TBL1X: variants seen among roughly 807,000 people sequenced by gnomAD.
The protein encoded by TBL1X is F-box-like/WD repeat-containing protein TBL1X.
TBL1X carries 10 observed loss-of-function variants against 50.7 expected under a neutral mutation model. The observed-to-expected ratio is 0.20, with a 90% CI of 0.12 to 0.33. The LOEUF (loss-of-function observed/expected upper bound fraction) is 0.33. Ranked by LOEUF, TBL1X falls within the 10% of genes least tolerant of loss-of-function variation. The probability of loss-of-function intolerance (pLI) is 1.00; values close to 1 mark genes in which losing one functional copy is unlikely to be tolerated. For missense variants in TBL1X, 340 were observed against 504.4 expected, an observed-to-expected ratio of 0.67 and a Z score of 3.12; for synonymous variants, 190 against 214.7, an observed-to-expected ratio of 0.88 and a Z score of 1.01.
chrX:9,578,320 C>T (rs944360396), intron 2 of TBL1X, among the ~76,000 whole-genome samples: 1 of 111,198 alleles, frequency 9.0e-6, no homozygotes, highest in Non-Finnish European at 1.9e-5. Flanking sequence ...ACTGCAGCCT[C>T]CACCTCCTGG....
intron 2 of TBL1X, among the ~76,000 whole-genome samples, chrX:9,535,303 G>A (rs897043986): frequency 8.9e-6 from 1 of 112,519 alleles, no homozygotes; most frequent in Admixed American, 9.4e-5. Flanking sequence ...GTAAGGAAAC[G>A]AAATCATCGT....
At chrX:9,658,902 T>C (rs1296625233) in intron 5 of TBL1X, among the ~76,000 whole-genome samples, 3 of 111,986 alleles carry the variant, frequency 2.7e-5, no homozygotes, top group Non-Finnish European at 5.6e-5. Flanking sequence ...CCTCCCAAGC[T>C]CAATTGATCG....
chrX:9,565,251 G>C (rs1410306576), intron 2 of TBL1X, among the ~76,000 whole-genome samples: 18 of 83,604 alleles, frequency 2.2e-4, no homozygotes, highest in South Asian at 2.1e-3. Context: ...CAGCCTGGGT[G>C]GCAGAGCGAG....
chrX:9,513,948 C>T (rs187797306), intron 2 of TBL1X, among the ~76,000 whole-genome samples: 8 of 109,272 alleles, frequency 7.3e-5, no homozygotes, highest in Non-Finnish European at 1.3e-4. Flanking sequence ...TTTTAAACAA[C>T]CAGCTCTTGC....
At chrX:9,702,607 G>GAA (rs59896272) in intron 12 of TBL1X, among the ~76,000 whole-genome samples, 15,004 of 69,893 alleles carry the variant, frequency 0.21, 1,261 homozygotes, top group South Asian at 0.39. Context: ...TCATCTCCAA[G>GAA]AAAAAAAAAA....
intron 2 of TBL1X, among the ~76,000 whole-genome samples, chrX:9,508,413 C>G (rs61691888): frequency 1.8e-5 from 2 of 111,162 alleles, no homozygotes; most frequent in African/African-American, 6.6e-5. Context: ...AGTCAGATGG[C>G]GATTATTGAA....
At chrX:9,705,142 C>T (rs372145846) in intron 13 of TBL1X, 28 bp downstream of exon 13, 41 of 1,209,565 alleles carry the variant, frequency 3.4e-5, no homozygotes, top group Admixed American at 6.6e-5. Context: ...TCACTGGTCT[C>T]GAGTTTGTGA....
chrX:9,576,875 C>T (rs2082415362), intron 2 of TBL1X, among the ~76,000 whole-genome samples: 3 of 109,451 alleles, frequency 2.7e-5, no homozygotes, highest in African/African-American at 1.0e-4. Flanking sequence ...TGGAGTGCAC[C>T]TGTAGTCTTA....
At chrX:9,557,679 A>T in intron 2 of TBL1X, among the ~76,000 whole-genome samples, 1 of 111,200 alleles carries the variant, frequency 9.0e-6, no homozygotes, top group Non-Finnish European at 1.9e-5. Flanking sequence ...GGACAGGGAG[A>T]TATGAAGCAG....
chrX:9,507,690 T>TA (rs752120453), intron 2 of TBL1X, among the ~76,000 whole-genome samples: 1 of 112,011 alleles, frequency 8.9e-6, no homozygotes, highest in East Asian at 2.8e-4. Context: ...GACTTCAAAC[T>TA]ATACTACAAG....
At chrX:9,655,192 C>T (rs770872712) in intron 5 of TBL1X, among the ~76,000 whole-genome samples, 2 of 110,849 alleles carry the variant, frequency 1.8e-5, no homozygotes, top group Admixed American at 9.6e-5. Flanking sequence ...AATGACGTAC[C>T]GCAAACTGGG....
chrX:9,486,485 T>C (rs1347948107), intron 1 of TBL1X, among the ~76,000 whole-genome samples: 3 of 110,681 alleles, frequency 2.7e-5, no homozygotes, highest in African/African-American at 9.9e-5. Context: ...CTGCCTGCCT[T>C]GGCCTCTCAG....
chrX:9,663,794 A>G (rs1019641726), intron 5 of TBL1X, among the ~76,000 whole-genome samples: 1 of 109,197 alleles, frequency 9.2e-6, no homozygotes, highest in African/African-American at 3.3e-5. Flanking sequence ...AGAAGATTGC[A>G]GACTATATGA....
intron 13 of TBL1X, among the ~76,000 whole-genome samples, chrX:9,706,284 A>G (rs2083207177): frequency 1.8e-5 from 2 of 111,553 alleles, no homozygotes; most frequent in African/African-American, 6.5e-5. Context: ...GAAAAAATGC[A>G]TAAAGGCTTA....
At chrX:9,538,013 A>G (rs998915659) in intron 2 of TBL1X, among the ~76,000 whole-genome samples, 9 of 111,719 alleles carry the variant, frequency 8.1e-5, no homozygotes, top group Non-Finnish European at 1.1e-4. Flanking sequence ...TGAGAATTTC[A>G]GAGTTGAAAG....
At chrX:9,526,531 A>G (rs1486627178) in intron 2 of TBL1X, among the ~76,000 whole-genome samples, 1 of 110,710 alleles carries the variant, frequency 9.0e-6, no homozygotes. Context: ...TTGTGCCAAG[A>G]TGTAATTTTT....
intron 2 of TBL1X, among the ~76,000 whole-genome samples, chrX:9,639,325 T>C (rs1416197069): frequency 9.0e-6 from 1 of 111,522 alleles, no homozygotes; most frequent in Non-Finnish European, 1.9e-5. Context: ...TTAAACCTGG[T>C]ACCTTTTTAT....
chrX:9,510,679 A>G (rs1362257377), intron 2 of TBL1X, among the ~76,000 whole-genome samples: 5 of 112,334 alleles, frequency 4.5e-5, no homozygotes, highest in Non-Finnish European at 9.4e-5. Context: ...TTTTAGATGA[A>G]ATAAACACAT....
intron 2 of TBL1X, among the ~76,000 whole-genome samples, chrX:9,626,506 A>T (rs2238869): frequency 0.019 from 2,113 of 110,866 alleles, 16 homozygotes; most frequent in Middle Eastern, 0.042. Context: ...TACAGAGGTC[A>T]GTAGTACCTG....
Sources: allele counts gnomAD v4.1 joint callset (sites outside exome capture counted in the v4.1 genomes callset), GRCh38; gene constraint gnomAD v4.1.1; transcripts MANE v1.5; gene names NCBI Gene and HGNC (gene_info 2026-07-23, HGNC 2026-07-21).